ITGB8: variants seen among roughly 807,000 people sequenced by gnomAD.
ITGB8 encodes integrin beta-8.
In ITGB8, 30 loss-of-function variants were observed where a neutral mutation model predicts 89.5. The observed-to-expected ratio is 0.34, with a 90% CI of 0.25 to 0.45. ITGB8 has a LOEUF of 0.45. Among genes scored for constraint, ITGB8 ranks in the 20% least tolerant of loss-of-function variants. The pLI, the probability that ITGB8 is intolerant of heterozygous loss-of-function variation, is 1.00. For synonymous variants in ITGB8, 335 were observed against 320.4 expected (o/e 1.05, Z -0.49); for missense variants, 836 against 933.3 (o/e 0.90, Z 1.36).
At chr7:20,346,215 AG>A (rs767728410) in intron 1 of ITGB8, among the ~76,000 whole-genome samples, 48 of 152,300 alleles carry the variant, frequency 3.2e-4, no homozygotes, top group Non-Finnish European at 5.3e-4. Flanking sequence ...ATTACTCATG[AG>A]GTCAGGGGAA....
intron 3 of ITGB8, chr7:20,377,310 C>A (rs543602497): frequency 6.6e-6 from 1 of 152,230 alleles, no homozygotes; most frequent in African/African-American, 2.4e-5. Context: ...GGCCGGTTTA[C>A]AAAAACAATC....
rs905041286 is a variant in ITGB8, at chr7:20,387,028, T to C, written c.961-4375T>C. Among the ~76,000 whole-genome samples, 3 of 152,156 alleles carry C rather than the reference T, an allele frequency of 2.0e-5. 1 individual carries two copies. Among genetic ancestry groups the C allele is most frequent in the Admixed American group, 1.3e-4 (2 of 15,286 alleles). On this transcript the variant is annotated intron_variant, in intron 6 of 13. Transcript: ENST00000222573. ...AGGTAAGAAAGATAAGCAAGTGACA[T>C]AGGTCAAGGAAAGCACATCCAAGAG...
upstream of ITGB8, chr7:20,330,663 A>G (rs1291431403): frequency 2.0e-5 from 3 of 152,240 alleles, no homozygotes; most frequent in Non-Finnish European, 2.9e-5. Context: ...TGCCTCACCA[A>G]TGTCCCGCCC....
intron 3 of ITGB8, among the ~76,000 whole-genome samples, chr7:20,372,974 G>A (rs942563620): frequency 3.3e-5 from 5 of 152,176 alleles, no homozygotes; most frequent in African/African-American, 1.2e-4. Flanking sequence ...CATACTCCAT[G>A]ATGTGAAAGT....
At chr7:20,330,817 C>T (rs892791659), upstream of ITGB8, 3 of 152,248 alleles carry the variant, frequency 2.0e-5, no homozygotes, top group Non-Finnish European at 2.9e-5. Context: ...AGGTCTGGAG[C>T]CCCCCGGGGG....
At chr7:20,347,279 C>T (rs1242013214) in intron 1 of ITGB8, among the ~76,000 whole-genome samples, 1 of 152,090 alleles carries the variant, frequency 6.6e-6, no homozygotes, top group Non-Finnish European at 1.5e-5. Flanking sequence ...TAATTCCAGG[C>T]GTTTTGTTTT....
At chr7:20,387,353 A>T (rs185630175) in intron 6 of ITGB8, among the ~76,000 whole-genome samples, 1 of 152,328 alleles carries the variant, frequency 6.6e-6, no homozygotes, top group African/African-American at 2.4e-5. Flanking sequence ...TAATTACAGA[A>T]CAGTAAGTGA....
intron 1 of ITGB8, among the ~76,000 whole-genome samples, chr7:20,356,326 A>G (rs1785292856): frequency 6.6e-6 from 1 of 152,198 alleles, no homozygotes; most frequent in Non-Finnish European, 1.5e-5. Flanking sequence ...AAATAATAGC[A>G]TATATTTCTC....
intron 1 of ITGB8, among the ~76,000 whole-genome samples, chr7:20,345,724 G>C (rs188825874): frequency 6.6e-6 from 1 of 152,152 alleles, no homozygotes; most frequent in African/African-American, 2.4e-5. Context: ...GACAAGAGGT[G>C]GTGGTCAGAC....
chr7:20,362,398 T>C (rs779635849), intron 1 of ITGB8, among the ~76,000 whole-genome samples: 22 of 152,200 alleles, frequency 1.4e-4, no homozygotes, highest in Non-Finnish European at 3.2e-4. Context: ...TGTAATACAT[T>C]TTTTAAAGGG....
intron 3 of ITGB8, among the ~76,000 whole-genome samples, chr7:20,372,285 T>C (rs916846905): frequency 6.6e-6 from 1 of 152,236 alleles, no homozygotes; most frequent in Admixed American, 6.5e-5. Flanking sequence ...GATTTGGTCC[T>C]TCTGAGACTA....
upstream of ITGB8, chr7:20,330,740 G>T (rs1184483712): frequency 6.6e-6 from 1 of 152,200 alleles, no homozygotes; most frequent in Non-Finnish European, 1.5e-5. Context: ...CAGCCGAGGC[G>T]AGGCGCTCCG....
chr7:20,388,882 C>A (rs373515751), intron 6 of ITGB8, among the ~76,000 whole-genome samples: 3 of 152,032 alleles, frequency 2.0e-5, no homozygotes, highest in African/African-American at 7.2e-5. Context: ...TGAGAACATG[C>A]GGTGTTTGTT....
At chr7:20,362,161 C>T (rs1011278520) in intron 1 of ITGB8, among the ~76,000 whole-genome samples, 28 of 152,138 alleles carry the variant, frequency 1.8e-4, no homozygotes, top group African/African-American at 5.3e-4. Flanking sequence ...ACTACCTTCC[C>T]CTCTCATCCC....
chr7:20,337,212 G>T (rs990588900), intron 1 of ITGB8, among the ~76,000 whole-genome samples: 1 of 151,944 alleles, frequency 6.6e-6, no homozygotes. Context: ...CTTTAAAATT[G>T]ATTTTACAAT....
intron 8 of ITGB8, among the ~76,000 whole-genome samples, chr7:20,397,276 G>T (rs567427065): frequency 6.6e-6 from 1 of 151,580 alleles, no homozygotes; most frequent in Non-Finnish European, 1.5e-5. Flanking sequence ...GCCCAGGCTG[G>T]AGTGCAGTGG....
In ITGB8 at chr7:20,413,986, C is replaced by G. The variant is rs1425053305; in HGVS notation, c.*3989C>G. 1 of 151,836 alleles carries G rather than the reference C, an allele frequency of 6.6e-6. No individual in the cohort carries two copies. The highest frequency in any genetic ancestry group is 2.4e-5 in the African/African-American group (1 of 41,332). 9.4% of individuals were successfully genotyped at this position (151,836 alleles called of 1,614,324 possible). ...CTTTTCTTTTATAATTCCTCTATAG[C>G]AAATTTTTATGTATAACTGATTATA... On this transcript the variant is annotated 3_prime_UTR_variant, in exon 14 of 14. Coordinates refer to ENST00000222573, the MANE Select transcript of ITGB8 (RefSeq NM_002214.3).
intron 3 of ITGB8, among the ~76,000 whole-genome samples, chr7:20,371,293 A>G (rs1583501607): frequency 1.3e-5 from 2 of 152,328 alleles, no homozygotes; most frequent in South Asian, 4.1e-4. Context: ...AAAATGAAAT[A>G]AGAGTTATAA....
chr7:20,339,133 A>G (rs1157116126), intron 1 of ITGB8, among the ~76,000 whole-genome samples: 2 of 148,982 alleles, frequency 1.3e-5, no homozygotes, highest in African/African-American at 4.9e-5. Context: ...TGGAGGTTGC[A>G]GTGAGCCGAG....
Sources: gnomAD v4.1 joint callset for allele counts (sites outside exome capture counted in the v4.1 genomes callset) on GRCh38, gnomAD v4.1.1 for gene constraint, MANE v1.5 for transcripts, NCBI Gene and HGNC (gene_info 2026-07-23, HGNC 2026-07-21) for gene names.